The following ERBB4 variants were observed in gnomAD, a reference collection of about 807,000 sequenced individuals.
The protein encoded by ERBB4 is erb-b2 receptor tyrosine kinase 4.
Under a neutral mutation model 158.0 loss-of-function variants are expected in ERBB4, and 42 were observed. That is an observed-to-expected ratio of 0.27 (90% confidence interval 0.21 to 0.34). The LOEUF (loss-of-function observed/expected upper bound fraction) is 0.34, where lower values mean the gene tolerates loss of function less well. Among genes scored for constraint, ERBB4 ranks in the 10% least tolerant of loss-of-function variants. The probability of loss-of-function intolerance (pLI) is 1.00; values close to 1 mark genes in which losing one functional copy is unlikely to be tolerated. For synonymous variants in ERBB4, 583 were observed against 558.7 expected (o/e 1.04, Z -0.61); for missense variants, 1,333 against 1,624.1 (o/e 0.82, Z 3.08).
chr2:211,495,528 C>A (rs2065447669), intron 20 of ERBB4, among the ~76,000 whole-genome samples: 1 of 152,028 alleles, frequency 6.6e-6, no homozygotes, highest in South Asian at 2.1e-4. Flanking sequence ...ATTGGCAATT[C>A]ACCATCTGTC....
In ERBB4 at chr2:211,772,936, T is replaced by C. The variant is rs1357307932; in HGVS notation, c.556+15089A>G. On this transcript the variant is annotated intron_variant, in intron 4 of 27. Transcript: ENST00000342788. ...ACACACACACACACATATATATATA[T>C]ATATATATATATATATATATTTTTT... Among the ~76,000 whole-genome samples the C allele has an allele frequency of 5.7e-4, 48 of 84,102 alleles. 1 individual carries two copies. The highest frequency in any genetic ancestry group is 2.6e-3 in the African/African-American group (36 of 13,932). 55.2% of individuals were successfully genotyped at this position (84,102 alleles called of 152,430 possible).
intron 2 of ERBB4, among the ~76,000 whole-genome samples, chr2:212,042,263 CT>C (rs1356494867): frequency 6.6e-6 from 1 of 152,022 alleles, no homozygotes; most frequent in African/African-American, 2.4e-5. Flanking sequence ...ACAATAAGAC[CT>C]TGCAGGCGCT....
At chr2:212,480,420 G>C (rs895579672) in intron 1 of ERBB4, among the ~76,000 whole-genome samples, 3 of 152,182 alleles carry the variant, frequency 2.0e-5, no homozygotes, top group Non-Finnish European at 2.9e-5. Flanking sequence ...GGCTTTCTCG[G>C]CCACGATGGA....
chr2:211,947,404 T>C (rs2080731511), intron 3 of ERBB4, 26 bp downstream of exon 3: 2 of 1,582,972 alleles, frequency 1.3e-6, no homozygotes, highest in African/African-American at 1.3e-5. Context: ...TGAAAGCATA[T>C]TTGCCATTTT....
intron 2 of ERBB4, among the ~76,000 whole-genome samples, chr2:212,083,164 G>A (rs1415819397): frequency 1.3e-5 from 2 of 151,982 alleles, no homozygotes; most frequent in African/African-American, 4.8e-5. Flanking sequence ...AAACAAACCT[G>A]ATTGCTTTTT....
intron 4 of ERBB4, among the ~76,000 whole-genome samples, chr2:211,767,101 C>T (rs1404067722): frequency 2.0e-5 from 3 of 152,112 alleles, no homozygotes; most frequent in South Asian, 2.1e-4. Flanking sequence ...GAGTCGCTTG[C>T]TCAAGGCTAC....
chr2:211,772,674 C>T (rs1262323567), intron 4 of ERBB4, among the ~76,000 whole-genome samples: 2 of 148,812 alleles, frequency 1.3e-5, no homozygotes, highest in African/African-American at 5.0e-5. Context: ...GAGATGAGGT[C>T]TCACTCTGTC....
chr2:212,185,434 A>G (rs2081989797), intron 1 of ERBB4, among the ~76,000 whole-genome samples: 1 of 152,050 alleles, frequency 6.6e-6, no homozygotes, highest in African/African-American at 2.4e-5. Flanking sequence ...ATGGGTTTCA[A>G]TTATTTTGAT....
rs1365823023 is a variant in ERBB4 at position 211,623,033 on chromosome 2, ATATATATATAT to A, written c.2202+878_2202+888del. 6.7e-5 allele frequency among the ~76,000 whole-genome samples: 7 copies of A among 104,748 alleles called. 1 individual carries two copies. The highest frequency in any genetic ancestry group is 5.3e-4 in the Admixed American group (5 of 9,350). 68.7% of individuals were successfully genotyped at this position (104,748 alleles called of 152,430 possible). On this transcript the variant is annotated intron_variant, in intron 18 of 27. Coordinates refer to ENST00000342788, the MANE Select transcript of ERBB4 (RefSeq NM_005235.3). ...TATATATATATATATATATATATAT[ATATATATATAT>A]AAAATGCCAAAGTAACTTTTGGGAA...
chr2:212,334,316 A>G (rs1159442986), intron 1 of ERBB4, among the ~76,000 whole-genome samples: 1 of 152,032 alleles, frequency 6.6e-6, no homozygotes, highest in Non-Finnish European at 1.5e-5. Context: ...TTATACCACT[A>G]AACTGTAATC....
At chr2:212,293,925 T>C (rs1192920849) in intron 1 of ERBB4, among the ~76,000 whole-genome samples, 1 of 150,820 alleles carries the variant, frequency 6.6e-6, no homozygotes, top group East Asian at 2.0e-4. Flanking sequence ...TATGTGTGTG[T>C]AGAGAGAATA....
intron 1 of ERBB4, among the ~76,000 whole-genome samples, chr2:212,237,626 C>A (rs537692854): frequency 2.0e-4 from 30 of 152,308 alleles, no homozygotes; most frequent in African/African-American, 7.2e-4. Flanking sequence ...GTCTGCTGCT[C>A]TCTTCAGAGC....
chr2:211,397,157 C>T (rs1236863048), intron 25 of ERBB4, among the ~76,000 whole-genome samples: 1 of 152,072 alleles, frequency 6.6e-6, no homozygotes, highest in Non-Finnish European at 1.5e-5. Flanking sequence ...CGAGAGCTAC[C>T]TGTTGACCAT....
chr2:212,375,810 G>T (rs1255372021), intron 1 of ERBB4, among the ~76,000 whole-genome samples: 1 of 152,050 alleles, frequency 6.6e-6, no homozygotes, highest in East Asian at 1.9e-4. Flanking sequence ...TTCTGCTAAA[G>T]TTGAAGCAAG....
chr2:212,522,473 T>C (rs1692225264), intron 1 of ERBB4, among the ~76,000 whole-genome samples: 1 of 151,950 alleles, frequency 6.6e-6, no homozygotes, highest in South Asian at 2.1e-4. Flanking sequence ...GGAGATGCTG[T>C]GACATATCCA....
At chr2:211,939,813 G>T (rs554908791) in intron 3 of ERBB4, among the ~76,000 whole-genome samples, 5 of 152,000 alleles carry the variant, frequency 3.3e-5, no homozygotes, top group Admixed American at 2.6e-4. Context: ...TGGACATGGT[G>T]GGGGGCGCCT....
intron 3 of ERBB4, among the ~76,000 whole-genome samples, chr2:211,911,514 C>T (rs2079540662): frequency 1.3e-5 from 2 of 152,112 alleles, no homozygotes; most frequent in South Asian, 4.2e-4. Context: ...AATCCTTCCA[C>T]CTCTGCCTCT....
At chr2:211,621,208 C>G (rs1021135125) in intron 18 of ERBB4, among the ~76,000 whole-genome samples, 2 of 150,586 alleles carry the variant, frequency 1.3e-5, no homozygotes, top group Non-Finnish European at 3.0e-5. Flanking sequence ...TTAAATTATT[C>G]TTTTTTTTTC....
intron 1 of ERBB4, among the ~76,000 whole-genome samples, chr2:212,375,615 A>G (rs1009505892): frequency 2.6e-5 from 4 of 152,052 alleles, no homozygotes; most frequent in Admixed American, 2.6e-4. Flanking sequence ...ATTTTTTCTT[A>G]TAAGGGGGAC....
Sources: gnomAD v4.1 joint callset for allele counts (sites outside exome capture counted in the v4.1 genomes callset) on GRCh38, gnomAD v4.1.1 for gene constraint, MANE v1.5 for transcripts, NCBI Gene and HGNC (gene_info 2026-07-23, HGNC 2026-07-21) for gene names.